Variants in PSMC4 observed in about 807,000 individuals in gnomAD.
The protein encoded by PSMC4 is 26S proteasome regulatory subunit 6B.
A neutral mutation model predicts 48.4 loss-of-function variants in PSMC4; 13 were observed. The observed-to-expected ratio is 0.27, with a 90% confidence interval of 0.18 to 0.43. The LOEUF is 0.43. PSMC4 is among the 20% of genes least tolerant of loss of function. The pLI is 1.00. For synonymous variants in PSMC4, 202 were observed against 212.3 expected (o/e 0.95, Z 0.42); for missense variants, 262 against 555.9 (o/e 0.47, Z 5.32).
rs750052119 is a variant in PSMC4 at position 39,974,696 on chromosome 19, C to T, written c.580-39C>T. 1 of 1,611,792 alleles carries T rather than the reference C, an allele frequency of 6.2e-7. No individual in the cohort carries two copies. Among genetic ancestry groups the T allele is most frequent in the African/African-American group, 1.3e-5 (1 of 74,856 alleles). On this transcript the variant is annotated intron_variant, in intron 5 of 10. Transcript: ENST00000157812. This position sits in a 1 kb window ranked among gnomAD's most constrained non-coding sequence, Gnocchi z 5.5. ...ATTGGGTCTGGGGTTGGAGGTGGAA[C>T]CCCTGACTCCCACTTCTCTTCCTTC...
rs1306309326 is a variant in PSMC4 at position 39,974,062 on chromosome 19, AG to A, written c.323-227del. Among the ~76,000 whole-genome samples, 2 of 152,084 alleles carry A rather than the reference AG, an allele frequency of 1.3e-5. No homozygotes were observed. The highest frequency in any genetic ancestry group is 1.5e-5 in the Non-Finnish European group (1 of 68,020). ...AGTGTGCCTCACTAGTATGAGATGC[AG>A]GGGGAGGCCTGCTGGACAGCCAGGG... On this transcript the variant is annotated intron_variant, in intron 3 of 10. Transcript: ENST00000157812. The surrounding 1 kb of genome is among the most constrained non-coding windows in gnomAD (Gnocchi z 5.5).
chr19:39,976,670 G>A (rs1356104550), intron 6 of PSMC4, among the ~76,000 whole-genome samples: 4 of 150,948 alleles, frequency 2.6e-5, no homozygotes, highest in Non-Finnish European at 4.4e-5. Context: ...CACCACGCCC[G>A]GCTAATTTTT....
chr19:39,973,281 T>C (rs1178606052), intron 3 of PSMC4, among the ~76,000 whole-genome samples: 1 of 151,646 alleles, frequency 6.6e-6, no homozygotes, highest in Non-Finnish European at 1.5e-5. Context: ...TGAGTAGGAG[T>C]GTTAAGAGAT....
rs1354839416 is a variant in PSMC4 at position 39,972,261 on chromosome 19, A to G, written c.135+17A>G. On this transcript the variant is annotated intron_variant, in intron 2 of 10. Coordinates refer to ENST00000157812, the MANE Select transcript of PSMC4 (RefSeq NM_006503.4). Reference sequence around the variant, plus strand: ...CGCTACAAGGTACATTCGACCCCCAACCCAGACCTTGCACAGGACCTGACA... The same window carrying G: ...CGCTACAAGGTACATTCGACCCCCAGCCCAGACCTTGCACAGGACCTGACA... 2 of 1,612,312 alleles carry G rather than the reference A, an allele frequency of 1.2e-6. No individual in the cohort carries two copies. Among genetic ancestry groups the G allele is most frequent in the Admixed American group, 1.7e-5 (1 of 59,982 alleles).
Position 39,974,113 on chromosome 19 carries a change from C to T in PSMC4, c.323-181C>T, listed in dbSNP as rs1009569646. 2.0e-5 allele frequency among the ~76,000 whole-genome samples: 3 copies of T among 151,934 alleles called. No homozygotes were observed. Among genetic ancestry groups the T allele is most frequent in the Non-Finnish European group, 2.9e-5 (2 of 67,996 alleles). Reference sequence around the variant, plus strand: ...GCTGGATGTCAAGAGAGAATCAGGGCGGTAGACAAGGAGTTCGTGTGAATA... The same window carrying T: ...GCTGGATGTCAAGAGAGAATCAGGGTGGTAGACAAGGAGTTCGTGTGAATA... On this transcript the variant is annotated intron_variant, in intron 3 of 10. Coordinates refer to ENST00000157812, the MANE Select transcript of PSMC4 (RefSeq NM_006503.4). This position sits in a 1 kb window ranked among gnomAD's most constrained non-coding sequence, Gnocchi z 5.5.
At chr19:39,978,688 A>G (rs1435875138) in intron 6 of PSMC4, among the ~76,000 whole-genome samples, 1 of 152,124 alleles carries the variant, frequency 6.6e-6, no homozygotes, top group African/African-American at 2.4e-5. Context: ...AACACAAAGC[A>G]TCTGATCCTT....
At position 39,979,890 on chromosome 19, in the gene PSMC4, T is replaced by C. The variant is rs756039575; in HGVS notation, c.747T>C (p.Asp249=). The C allele has an allele frequency of 8.1e-6, 13 of 1,614,068 alleles. 1 individual carries two copies. The South Asian group carries it at 1.4e-4, about 18-fold the overall frequency. The part of the protein sequence containing the change: ...YLGEGPRMVR[D]VFRLAKENAP... ...GTGAGGGCCCCCGCATGGTCCGGGA[T>C]GTGTTCCGCCTGGCCAAGGAGAATG... is the stretch of plus-strand genomic sequence containing the variant. Residue 249 remains aspartate (D), a synonymous_variant, in exon 7 of 11, where the codon GAT becomes GAC. Coordinates refer to ENST00000157812, the MANE Select transcript of PSMC4 (RefSeq NM_006503.4).
In PSMC4 at chr19:39,974,031, A is replaced by G. The variant is rs972247557; in HGVS notation, c.323-263A>G. ...AATCAGGAGAGAGACTGAGCCTGGA[A>G]ACAGAAGTGTGCCTCACTAGTATGA... On this transcript the variant is annotated intron_variant, in intron 3 of 10. Transcript: ENST00000157812. The surrounding 1 kb of genome is among the most constrained non-coding windows in gnomAD (Gnocchi z 5.5). Among the ~76,000 whole-genome samples, 2 of 152,178 alleles carry G rather than the reference A, an allele frequency of 1.3e-5. No homozygotes were observed. The highest frequency in any genetic ancestry group is 2.9e-5 in the Non-Finnish European group (2 of 68,042).
chr19:39,978,238 G>C (rs755721065), intron 6 of PSMC4, among the ~76,000 whole-genome samples: 1 of 152,154 alleles, frequency 6.6e-6, no homozygotes, highest in Non-Finnish European at 1.5e-5. Context: ...AGAGCCCAGG[G>C]GGAGCTGAGA....
rs1365063456 is a variant in PSMC4 at position 39,974,332 on chromosome 19, C to G, written c.361C>G (p.Arg121Gly). Residue 121 changes from arginine (R) to glycine (G), a missense_variant, in exon 4 of 11, where the codon CGG becomes GGG. By Grantham distance (125) the Arg-to-Gly change is moderately radical (BLOSUM62 -2). This residue lies in a region of PSMC4 where 131 missense variants were observed against 276.7 expected (regional missense o/e 0.47). Transcript: ENST00000157812. This position sits in a 1 kb window ranked among gnomAD's most constrained non-coding sequence, Gnocchi z 5.5. ...YYVRILSTID[R>G]ELLKPNASVA... The stretch of plus-strand genomic sequence containing the variant: ...TGTGCGCATCCTGAGCACCATCGAT[C>G]GGGAGCTGCTCAAGCCCAACGCCTC... 1.2e-6 allele frequency: 2 copies of G among 1,614,004 alleles called. No individual in the cohort carries two copies. Among genetic ancestry groups the G allele is most frequent in the East Asian group, 2.2e-5 (1 of 44,892 alleles).
rs774471115 is a variant in PSMC4 at position 39,974,315 on chromosome 19, T to G, written c.344T>G (p.Ile115Ser). ...GCAGGCTCCAACTATTATGTGCGCATCCTGAGCACCATCGATCGGGAGCTG... is the reference window on the plus strand; with the variant it reads ...GCAGGCTCCAACTATTATGTGCGCAGCCTGAGCACCATCGATCGGGAGCTG... ...STTGSNYYVR[I>S]LSTIDRELLK... The change falls in exon 4 of 11, where the codon ATC becomes AGC. Residue 115 changes from isoleucine (I) to serine (S), a missense_variant. Coordinates refer to ENST00000157812, the MANE Select transcript of PSMC4 (RefSeq NM_006503.4). The surrounding 1 kb of genome is among the most constrained non-coding windows in gnomAD (Gnocchi z 5.5). 1 of 1,614,114 alleles carries G rather than the reference T, an allele frequency of 6.2e-7. No individual in the cohort carries two copies.
chr19:39,976,119 C>A (rs1008775365), intron 6 of PSMC4, among the ~76,000 whole-genome samples: 1 of 151,796 alleles, frequency 6.6e-6, no homozygotes, highest in Non-Finnish European at 1.5e-5. Context: ...CGCCTGTAGT[C>A]CCAGCTACTT....
At chr19:39,975,278 A>T (rs781025087) in intron 6 of PSMC4, among the ~76,000 whole-genome samples, 67 of 151,998 alleles carry the variant, frequency 4.4e-4, no homozygotes, top group Non-Finnish European at 8.1e-4. Context: ...ATATATATAT[A>T]TTTTAATTCT....
In PSMC4 at chr19:39,980,034, G is replaced by T. The variant is rs1408693983; in HGVS notation, c.842-36G>T. 2 of 1,613,938 alleles carry T rather than the reference G, an allele frequency of 1.2e-6. No individual in the cohort carries two copies. Among genetic ancestry groups the T allele is most frequent in the Non-Finnish European group, 1.7e-6 (2 of 1,179,976 alleles). ...GGGGTCTTGGACAGGCTTGTCGCAT[G>T]GGATGCCTGGGACTGACTGTGCTGT... On this transcript the variant is annotated intron_variant, in intron 7 of 10. Coordinates refer to ENST00000157812, the MANE Select transcript of PSMC4 (RefSeq NM_006503.4). The surrounding 1 kb of genome is among the most constrained non-coding windows in gnomAD (Gnocchi z 4.8).
intron 6 of PSMC4, among the ~76,000 whole-genome samples, chr19:39,978,946 A>G (rs1971246851): frequency 6.6e-6 from 1 of 152,122 alleles, no homozygotes; most frequent in African/African-American, 2.4e-5. Flanking sequence ...CAGGAGATTG[A>G]GGCTGCAGTA....
In PSMC4 at chr19:39,972,154, C is replaced by G; in HGVS notation, c.45C>G (p.Ile15Met). The G allele has an allele frequency of 1.9e-6, 3 of 1,613,942 alleles. No homozygotes were observed. The highest frequency in any genetic ancestry group is 2.5e-6 in the Non-Finnish European group (3 of 1,179,864). The change falls in exon 2 of 11, where the codon ATC (isoleucine) becomes ATG (methionine). Residue 15 changes from isoleucine (I) to methionine (M), a missense_variant. Transcript: ENST00000157812. ...TATCCCCTTTCGTCTAGGATGAGAT[C>G]CCAGCACTGTCCGTGTCCCGGCCCC... is the stretch of plus-strand genomic sequence containing the variant. ...GILVEKAQDE[I>M]PALSVSRPQT... is the part of the protein sequence containing the mutation.
chr19:39,979,817 C>G lies in PSMC4; in HGVS notation c.674C>G (p.Ala225Gly). ...LAKAVAHHTT[A>G]AFIRVVGSEF... Reference sequence around the variant, plus strand: ...CTAACTGTTGTCATCCTGTCATCAGCTGCATTCATCCGGGTCGTGGGCTCG... The same window carrying G: ...CTAACTGTTGTCATCCTGTCATCAGGTGCATTCATCCGGGTCGTGGGCTCG... Residue 225 changes from alanine to glycine, a missense_variant and splice_region_variant, in exon 7 of 11, where the codon GCT becomes GGT. Physicochemically the swap from Ala to Gly is moderately conservative, Grantham distance 60. Coordinates refer to ENST00000157812, the MANE Select transcript of PSMC4 (RefSeq NM_006503.4). The G allele has an allele frequency of 6.2e-7, 1 of 1,612,500 alleles. No homozygotes were observed. The highest frequency in any genetic ancestry group is 8.5e-7 in the Non-Finnish European group (1 of 1,178,952).
At chr19:39,971,272 C>G (rs200456099) in intron 1 of PSMC4, 34 bp downstream of exon 1, 66 of 1,613,642 alleles carry the variant, frequency 4.1e-5, no homozygotes, top group African/African-American at 1.1e-4. Flanking sequence ...TAGTCCGGGC[C>G]GGGCTCGCGG....
intron 6 of PSMC4, among the ~76,000 whole-genome samples, chr19:39,978,313 C>T (rs888261885): frequency 6.6e-6 from 1 of 152,058 alleles, no homozygotes; most frequent in Non-Finnish European, 1.5e-5. Context: ...GAAAGGCTGA[C>T]GGACAGGCTC....
Sources: allele counts gnomAD v4.1 joint callset (sites outside exome capture counted in the v4.1 genomes callset), GRCh38; gene constraint gnomAD v4.1.1; regional missense constraint gnomAD v4.1.1; non-coding constraint Gnocchi (gnomAD v3.1); transcripts MANE v1.5; gene names NCBI Gene and HGNC (gene_info 2026-07-23, HGNC 2026-07-21).